The following DLG2 variants were observed in gnomAD, a reference collection of about 807,000 sequenced individuals.
The protein encoded by DLG2 is discs large MAGUK scaffold protein 2, also known as disks large homolog 2.
A neutral mutation model predicts 132.5 loss-of-function variants in DLG2; 45 were observed. The ratio of observed to expected loss-of-function variants is 0.34; its 90% CI spans 0.27 to 0.44. The LOEUF (loss-of-function observed/expected upper bound fraction) is 0.44, where lower values mean the gene tolerates loss of function less well. Among genes scored for constraint, DLG2 ranks in the 20% least tolerant of loss-of-function variants. The pLI is 1.00. For missense variants in DLG2, 1,045 were observed against 1,196.9 expected, an observed-to-expected ratio of 0.87 and a Z score of 1.87; for synonymous variants, 424 against 419.6, an observed-to-expected ratio of 1.01 and a Z score of -0.13.
intron 6 of DLG2, among the ~76,000 whole-genome samples, chr11:84,873,333 A>C (rs951461205): frequency 1.3e-5 from 2 of 152,228 alleles, no homozygotes; most frequent in African/African-American, 4.8e-5. Flanking sequence ...TGGAAAAGAC[A>C]AGAAAACAGA....
At chr11:85,575,237 C>A (rs1317700298) in intron 3 of DLG2, among the ~76,000 whole-genome samples, 1 of 151,840 alleles carries the variant, frequency 6.6e-6, no homozygotes, top group Admixed American at 6.6e-5. Context: ...TACTGTTTCT[C>A]AATCAGGACT....
chr11:83,490,089 A>G (rs1333528496), intron 21 of DLG2, among the ~76,000 whole-genome samples: 1 of 152,052 alleles, frequency 6.6e-6, no homozygotes, highest in East Asian at 1.9e-4. Flanking sequence ...CATTTTCCAC[A>G]AAAGAACCTA....
At chr11:84,844,079 G>C (rs752454925) in intron 6 of DLG2, among the ~76,000 whole-genome samples, 1 of 84,532 alleles carries the variant, frequency 1.2e-5, no homozygotes, top group African/African-American at 3.9e-5. Context: ...GTGTGTGTGT[G>C]TGTGTGTATA....
In DLG2 at chr11:85,374,965, A is replaced by AAC. The variant is rs550374938; in HGVS notation, c.41-89602_41-89601dup. On this transcript the variant is annotated intron_variant, in intron 3 of 27. Coordinates refer to ENST00000376104, the MANE Select transcript of DLG2 (RefSeq NM_001142699.3). ...CAATTTAATTTCAAATTATTCAGCA[A>AAC]ACACACACACACACACACGAAGACA... is the stretch of plus-strand genomic sequence containing the variant. Among the ~76,000 whole-genome samples, 1,334 of 150,914 alleles carry AAC rather than the reference A, an allele frequency of 8.8e-3. 16 individuals are homozygous for AAC. Among genetic ancestry groups the AAC allele is most frequent in the African/African-American group, 0.022 (890 of 41,310 alleles).
At chr11:84,052,894 C>T (rs2096422069) in intron 11 of DLG2, among the ~76,000 whole-genome samples, 1 of 152,030 alleles carries the variant, frequency 6.6e-6, no homozygotes, top group Non-Finnish European at 1.5e-5. Flanking sequence ...TACCATTTGA[C>T]TCAGCAATCC....
intron 3 of DLG2, among the ~76,000 whole-genome samples, chr11:85,475,062 G>T (rs2093099788): frequency 6.6e-6 from 1 of 151,468 alleles, no homozygotes. Context: ...TAAGCCTCTG[G>T]CAAAAATAAT....
intron 3 of DLG2, among the ~76,000 whole-genome samples, chr11:85,438,058 C>G (rs2091585485): frequency 6.6e-6 from 1 of 152,170 alleles, no homozygotes; most frequent in African/African-American, 2.4e-5. Flanking sequence ...CTTCAGAGAG[C>G]TTCTACTCAT....
At chr11:85,111,944 C>T (rs17148004) in intron 5 of DLG2, among the ~76,000 whole-genome samples, 5,508 of 152,004 alleles carry the variant, frequency 0.036, 305 homozygotes, top group African/African-American at 0.13. Flanking sequence ...TTTTTTGTTA[C>T]TCTAAGGACT....
At chr11:85,166,545 G>A (rs577293073) in intron 4 of DLG2, among the ~76,000 whole-genome samples, 2 of 151,798 alleles carry the variant, frequency 1.3e-5, no homozygotes, top group Non-Finnish European at 2.9e-5. Flanking sequence ...CCAGCTGGAT[G>A]GGCTCTCTCA....
intron 7 of DLG2, among the ~76,000 whole-genome samples, chr11:84,373,768 T>G (rs1320366647): frequency 6.6e-6 from 1 of 152,184 alleles, no homozygotes; most frequent in African/African-American, 2.4e-5. Context: ...TTTTAAGATG[T>G]TCTTAAAATC....
intron 6 of DLG2, among the ~76,000 whole-genome samples, chr11:84,911,371 T>A (rs1056300662): frequency 5.4e-4 from 82 of 151,992 alleles, no homozygotes; most frequent in African/African-American, 1.9e-3. Context: ...GGGAGTTTTA[T>A]GACTTAATTA....
intron 3 of DLG2, among the ~76,000 whole-genome samples, chr11:85,560,848 A>G (rs977546316): frequency 6.6e-6 from 1 of 151,398 alleles, no homozygotes. Flanking sequence ...CCTAGGCAAC[A>G]TAGTGAGATA....
intron 6 of DLG2, among the ~76,000 whole-genome samples, chr11:84,628,067 G>T (rs1251114763): frequency 6.6e-6 from 1 of 150,838 alleles, no homozygotes; most frequent in Non-Finnish European, 1.5e-5. Flanking sequence ...TGTCTCTTCT[G>T]AAAAATGACT....
At chr11:85,264,428 T>C (rs1362086297) in intron 4 of DLG2, among the ~76,000 whole-genome samples, 1 of 152,180 alleles carries the variant, frequency 6.6e-6, no homozygotes, top group South Asian at 2.1e-4. Context: ...ATCTTCCTTC[T>C]TCTCACCATC....
intron 6 of DLG2, among the ~76,000 whole-genome samples, chr11:84,613,720 T>A (rs1310645207): frequency 6.6e-6 from 1 of 152,188 alleles, no homozygotes; most frequent in African/African-American, 2.4e-5. Flanking sequence ...AAGTTTTTTA[T>A]CCTTCTTTAG....
At chr11:84,256,559 T>C (rs933884496) in intron 7 of DLG2, among the ~76,000 whole-genome samples, 2 of 152,150 alleles carry the variant, frequency 1.3e-5, no homozygotes, top group Non-Finnish European at 2.9e-5. Flanking sequence ...GACATGCAAA[T>C]GGAAGGCAGG....
At chr11:83,850,004 A>G (rs1363817071) in intron 16 of DLG2, among the ~76,000 whole-genome samples, 1 of 152,104 alleles carries the variant, frequency 6.6e-6, no homozygotes, top group Non-Finnish European at 1.5e-5. Flanking sequence ...TGGCGCTGGA[A>G]ATATAACTAT....
At chr11:84,915,004 C>G (rs1220341350) in intron 6 of DLG2, among the ~76,000 whole-genome samples, 1 of 152,138 alleles carries the variant, frequency 6.6e-6, no homozygotes, top group Non-Finnish European at 1.5e-5. Context: ...TCTATGAATT[C>G]CCAGATGAAT....
At chr11:84,035,513 A>G (rs1157905280) in intron 11 of DLG2, among the ~76,000 whole-genome samples, 1 of 152,218 alleles carries the variant, frequency 6.6e-6, no homozygotes, top group Non-Finnish European at 1.5e-5. Flanking sequence ...ACATACTTAG[A>G]ACTTTGAAAC....
Sources: allele counts gnomAD v4.1 joint callset (sites outside exome capture counted in the v4.1 genomes callset), GRCh38; gene constraint gnomAD v4.1.1; transcripts MANE v1.5; gene names NCBI Gene and HGNC (gene_info 2026-07-23, HGNC 2026-07-21).